The following SPHKAP variants were observed in gnomAD, a reference collection of about 807,000 sequenced individuals.
The protein encoded by SPHKAP is SPHK1 interactor, AKAP domain containing.
Under a neutral mutation model 137.5 loss-of-function variants are expected in SPHKAP, and 67 were observed. The ratio of observed to expected loss-of-function variants is 0.49; its 90% CI spans 0.40 to 0.60. The LOEUF (loss-of-function observed/expected upper bound fraction) is 0.60, where lower values mean the gene tolerates loss of function less well. SPHKAP is among the 20% of genes least tolerant of loss of function. The pLI is 0.00. For synonymous variants in SPHKAP, 813 were observed against 785.3 expected, an observed-to-expected ratio of 1.04 and a Z score of -0.59; for missense variants, 2,097 against 2,069.3, an observed-to-expected ratio of 1.01 and a Z score of -0.26.
At chr2:228,023,141 C>T (rs1694904132) in intron 5 of SPHKAP, among the ~76,000 whole-genome samples, 1 of 152,172 alleles carries the variant, frequency 6.6e-6, no homozygotes, top group Non-Finnish European at 1.5e-5. Context: ...ATTTATTGCT[C>T]ATTGGAATCG....
intron 5 of SPHKAP, chr2:228,022,358 G>A (rs1289850023): frequency 5.7e-6 from 1 of 174,360 alleles, no homozygotes; most frequent in African/African-American, 2.4e-5. Context: ...GGTTTTTAAG[G>A]GCTAGAGTGA....
chr2:228,141,958 AT>A, intron 1 of SPHKAP, among the ~76,000 whole-genome samples: 1 of 152,252 alleles, frequency 6.6e-6, no homozygotes, highest in Non-Finnish European at 1.5e-5. Context: ...TCTTAATTTG[AT>A]TGGCAAATCC....
At chr2:228,151,577 C>T (rs1035502496) in intron 1 of SPHKAP, among the ~76,000 whole-genome samples, 68 of 152,226 alleles carry the variant, frequency 4.5e-4, no homozygotes, top group African/African-American at 1.5e-3. Flanking sequence ...TATTTCTCCA[C>T]ATCCTCTCCA....
At chr2:227,986,633 T>C (rs994174620) in intron 11 of SPHKAP, among the ~76,000 whole-genome samples, 1 of 152,144 alleles carries the variant, frequency 6.6e-6, no homozygotes, top group Non-Finnish European at 1.5e-5. Context: ...TCCACCACTT[T>C]GTATGTAAAA....
At chr2:228,116,380 C>G (rs999167861) in intron 2 of SPHKAP, among the ~76,000 whole-genome samples, 1 of 152,164 alleles carries the variant, frequency 6.6e-6, no homozygotes. Context: ...AGGCAAGTCA[C>G]TTAACTTCTT....
chr2:228,019,930 C>G lies in SPHKAP; in HGVS notation c.924G>C (p.Trp308Cys). ...TCCCATTCCCCACAGCTTCTCTTTT[C>G]CACTGTGATGGCTTGGCTGAGGGAT... ...SLDPSAKPSQWKREAVGNGRQ... is the reference protein window; with the variant it reads ...SLDPSAKPSQCKREAVGNGRQ... Residue 308 changes from tryptophan (W) to cysteine (C), a missense_variant, in exon 7 of 12, where the codon TGG becomes TGC. Coordinates refer to ENST00000392056, the MANE Select transcript of SPHKAP (RefSeq NM_001142644.2). The G allele has an allele frequency of 6.2e-7, 1 of 1,614,242 alleles. No individual in the cohort carries two copies.
chr2:228,104,110 GA>G (rs1277422164), intron 3 of SPHKAP, among the ~76,000 whole-genome samples: 1 of 150,580 alleles, frequency 6.6e-6, no homozygotes, highest in Non-Finnish European at 1.5e-5. Flanking sequence ...GATTTTTAAA[GA>G]AAAAAACACT....
At chr2:228,004,495 T>G (rs1574732784) in intron 7 of SPHKAP, among the ~76,000 whole-genome samples, 1 of 152,220 alleles carries the variant, frequency 6.6e-6, no homozygotes, top group Non-Finnish European at 1.5e-5. Flanking sequence ...TGTTGATCTT[T>G]TCAAAAAATC....
At chr2:227,989,872 C>T (rs1035311941) in intron 11 of SPHKAP, among the ~76,000 whole-genome samples, 4 of 151,994 alleles carry the variant, frequency 2.6e-5, no homozygotes, top group Admixed American at 2.6e-4. Flanking sequence ...CCACCTTGGC[C>T]TCCCAAAGGA....
At chr2:228,170,366 T>C (rs1700547181) in intron 1 of SPHKAP, among the ~76,000 whole-genome samples, 1 of 152,144 alleles carries the variant, frequency 6.6e-6, no homozygotes, top group African/African-American at 2.4e-5. Flanking sequence ...ATTGTGAGGA[T>C]TGATTCTAAT....
chr2:228,036,654 C>T (rs1443854521), intron 3 of SPHKAP, among the ~76,000 whole-genome samples: 2 of 152,030 alleles, frequency 1.3e-5, no homozygotes, highest in Non-Finnish European at 2.9e-5. Context: ...CAATGATAGA[C>T]TGGATTAAGA....
At chr2:228,030,759 CTT>C (rs1230426246) in intron 3 of SPHKAP, among the ~76,000 whole-genome samples, 2 of 151,012 alleles carry the variant, frequency 1.3e-5, no homozygotes, top group Non-Finnish European at 2.9e-5. Context: ...ACTAACTACT[CTT>C]TGGTCACCTC....
At chr2:228,173,221 G>C (rs1300046821) in intron 1 of SPHKAP, among the ~76,000 whole-genome samples, 1 of 152,164 alleles carries the variant, frequency 6.6e-6, no homozygotes, top group Non-Finnish European at 1.5e-5. Flanking sequence ...AAACAAGAAA[G>C]AAATTAGTCC....
intron 3 of SPHKAP, among the ~76,000 whole-genome samples, chr2:228,034,577 A>T (rs1184460813): frequency 6.6e-6 from 1 of 152,174 alleles, no homozygotes; most frequent in East Asian, 1.9e-4. Flanking sequence ...GATACAACCA[A>T]AAAAGAGAAT....
chr2:227,993,966 A>G (rs1054882467), intron 8 of SPHKAP: 2 of 788,212 alleles, frequency 2.5e-6, no homozygotes, highest in African/African-American at 1.9e-5. Flanking sequence ...GAAGGTATTT[A>G]TCTATCGGCA....
At chr2:228,055,785 C>T (rs1300244435) in intron 3 of SPHKAP, among the ~76,000 whole-genome samples, 1 of 152,216 alleles carries the variant, frequency 6.6e-6, no homozygotes, top group African/African-American at 2.4e-5. Flanking sequence ...TGGCAAACCT[C>T]CTCCTGCAAA....
At chr2:228,037,711 G>A (rs182675414) in intron 3 of SPHKAP, among the ~76,000 whole-genome samples, 9,392 of 152,200 alleles carry the variant, frequency 0.062, 402 homozygotes, top group Non-Finnish European at 0.087. Context: ...AATGGAAAGA[G>A]ATAAGCATAG....
rs567903205 is a variant in SPHKAP, at chr2:228,071,630, C to G, written c.246+37202G>C. ...GAGATATTTCACAAAAAGTGCAAGG[C>G]TTGTTTTTTTTGTCTGGTGGTATAG... On this transcript the variant is annotated intron_variant, in intron 3 of 11. Transcript: ENST00000392056. Among the ~76,000 whole-genome samples, 33 of 150,984 alleles carry G rather than the reference C, an allele frequency of 2.2e-4. No homozygotes were observed. The South Asian group carries it at 3.7e-3, about 17-fold the overall frequency.
At chr2:228,008,391 G>A (rs1013547050) in intron 7 of SPHKAP, among the ~76,000 whole-genome samples, 5 of 151,446 alleles carry the variant, frequency 3.3e-5, no homozygotes, top group Non-Finnish European at 5.9e-5. Flanking sequence ...CTACCTCTCA[G>A]GTTCAAGAGA....
Sources: allele counts gnomAD v4.1 joint callset (sites outside exome capture counted in the v4.1 genomes callset), GRCh38; gene constraint gnomAD v4.1.1; transcripts MANE v1.5; gene names NCBI Gene and HGNC (gene_info 2026-07-23, HGNC 2026-07-21).